Variants in TOPAZ1 observed in about 807,000 individuals in gnomAD.
The protein encoded by TOPAZ1 is protein TOPAZ1.
TOPAZ1 carries 66 observed loss-of-function variants against 172.2 expected under a neutral mutation model. That is an observed-to-expected ratio of 0.38 (90% confidence interval 0.31 to 0.47). The LOEUF is 0.47. TOPAZ1 is among the 20% of genes least tolerant of loss of function. The pLI is 0.99. For synonymous variants in TOPAZ1, 681 were observed against 683.9 expected (o/e 1.00, Z 0.07); for missense variants, 1,822 against 1,972.4 (o/e 0.92, Z 1.44).
intron 12 of TOPAZ1, among the ~76,000 whole-genome samples, chr3:44,297,310 G>A (rs1700211369): frequency 6.6e-6 from 1 of 151,978 alleles, no homozygotes; most frequent in African/African-American, 2.4e-5. Flanking sequence ...ATCAAACAGG[G>A]TTTATTTCAA....
At chr3:44,271,803 T>C (rs1376438825) in intron 8 of TOPAZ1, among the ~76,000 whole-genome samples, 4 of 152,164 alleles carry the variant, frequency 2.6e-5, no homozygotes, top group Admixed American at 6.5e-5. Context: ...TGCATTATTA[T>C]TTGCCATAGT....
chr3:44,322,450 A>G (rs879611029), intron 17 of TOPAZ1, among the ~76,000 whole-genome samples: 1 of 152,256 alleles, frequency 6.6e-6, no homozygotes, highest in African/African-American at 2.4e-5. Context: ...TGGGAATCAA[A>G]TACAGAGGTC....
intron 7 of TOPAZ1, among the ~76,000 whole-genome samples, chr3:44,269,645 A>G (rs575596232): frequency 2.7e-5 from 4 of 148,964 alleles, no homozygotes; most frequent in Admixed American, 2.7e-4. Context: ...TTTGAGACGG[A>G]GTCTTGCTCT....
chr3:44,307,771 A>C (rs1035071708), intron 15 of TOPAZ1, among the ~76,000 whole-genome samples: 5 of 152,180 alleles, frequency 3.3e-5, no homozygotes, highest in African/African-American at 1.2e-4. Context: ...AAAAGAAAAA[A>C]ATTTTTAACC....
intron 18 of TOPAZ1, 21 bp from the exon 19 acceptor site, chr3:44,328,229 A>G: frequency 6.9e-7 from 1 of 1,448,884 alleles, no homozygotes; most frequent in Non-Finnish European, 9.1e-7. Flanking sequence ...GTAAAGTTTG[A>G]CCTATTATTT....
At chr3:44,266,106 G>T (rs1351439012) in intron 5 of TOPAZ1, among the ~76,000 whole-genome samples, 1 of 150,726 alleles carries the variant, frequency 6.6e-6, no homozygotes, top group Non-Finnish European at 1.5e-5. Flanking sequence ...GATTTGTTTC[G>T]TGAAACCTCA....
At chr3:44,334,863 C>G (rs924492305), downstream of TOPAZ1, among the ~76,000 whole-genome samples, 3 of 152,202 alleles carry the variant, frequency 2.0e-5, no homozygotes, top group Non-Finnish European at 4.4e-5. Flanking sequence ...TGGAGCCCTT[C>G]TGATATCAAC....
At chr3:44,245,772 C>A (rs1699558024) in intron 2 of TOPAZ1, among the ~76,000 whole-genome samples, 1 of 152,100 alleles carries the variant, frequency 6.6e-6, no homozygotes, top group Admixed American at 6.5e-5. Flanking sequence ...ATCTCCTGAC[C>A]TCGTGATCCA....
intron 12 of TOPAZ1, among the ~76,000 whole-genome samples, chr3:44,294,767 A>G (rs768256793): frequency 2.0e-5 from 3 of 152,194 alleles, no homozygotes; most frequent in Non-Finnish European, 4.4e-5. Context: ...CAGCATCCCA[A>G]AATAGTCAAA....
At chr3:44,249,976 A>G (rs531959710) in intron 2 of TOPAZ1, among the ~76,000 whole-genome samples, 1 of 152,308 alleles carries the variant, frequency 6.6e-6, no homozygotes, top group South Asian at 2.1e-4. Context: ...TCAAATCCAT[A>G]GGCAGCCATT....
intron 12 of TOPAZ1, among the ~76,000 whole-genome samples, chr3:44,295,553 T>C (rs1559540708): frequency 2.0e-5 from 3 of 152,168 alleles, no homozygotes; most frequent in Admixed American, 6.5e-5. Flanking sequence ...CAATATGCCA[T>C]GCAAACATTA....
At chr3:44,277,721 G>C (rs557085871) in intron 8 of TOPAZ1, among the ~76,000 whole-genome samples, 46 of 152,266 alleles carry the variant, frequency 3.0e-4, no homozygotes, top group Admixed American at 9.8e-4. Context: ...TTCATGGCAT[G>C]GTGCTTTTTT....
intron 8 of TOPAZ1, among the ~76,000 whole-genome samples, chr3:44,280,944 T>G (rs1303742114): frequency 1.3e-5 from 2 of 152,164 alleles, no homozygotes; most frequent in Admixed American, 6.5e-5. Context: ...TACTTAGGAC[T>G]GAGGAATTTG....
At position 44,282,038 on chromosome 3, in the gene TOPAZ1, A is replaced by G; in HGVS notation, c.3436+7A>G. The G allele has an allele frequency of 1.3e-6, 2 of 1,497,994 alleles. No individual in the cohort carries two copies. The highest frequency in any genetic ancestry group is 2.5e-5 in the South Asian group (2 of 80,278). The allele number at this position is 1,497,994 out of a possible 1,614,324, so 92.8% of individuals were successfully genotyped here. On this transcript the variant is annotated splice_region_variant and intron_variant, in intron 9 of 19. Coordinates refer to ENST00000309765, the MANE Select transcript of TOPAZ1 (RefSeq NM_001145030.2). ...TGTTTGCTACAGCGTGCAGGTATGA[A>G]ACAATTAAATAATTAGTATGAAGCT... is the stretch of plus-strand genomic sequence containing the variant.
At chr3:44,329,521 T>C (rs1204695635) in intron 19 of TOPAZ1, among the ~76,000 whole-genome samples, 1 of 152,216 alleles carries the variant, frequency 6.6e-6, no homozygotes, top group Non-Finnish European at 1.5e-5. Flanking sequence ...CAGGGTCTTT[T>C]GTGACCTATA....
chr3:44,312,002 A>G (rs890998414), intron 16 of TOPAZ1, among the ~76,000 whole-genome samples: 1 of 152,014 alleles, frequency 6.6e-6, no homozygotes, highest in African/African-American at 2.4e-5. Flanking sequence ...TACTAATTCC[A>G]TTTCTAAGAA....
At chr3:44,333,251 C>T (rs539577410), downstream of TOPAZ1, among the ~76,000 whole-genome samples, 3 of 152,176 alleles carry the variant, frequency 2.0e-5, no homozygotes, top group South Asian at 2.1e-4. Context: ...TGATTACTAT[C>T]GATGAAATGT....
intron 12 of TOPAZ1, among the ~76,000 whole-genome samples, chr3:44,298,909 A>ATATATT (rs1287571186): frequency 7.3e-5 from 3 of 41,322 alleles, no homozygotes; most frequent in Non-Finnish European, 8.6e-5. Context: ...ATATATATAT[A>ATATATT]TTTTTTTTTT....
chr3:44,289,821 A>G (rs960390345), intron 11 of TOPAZ1, among the ~76,000 whole-genome samples: 1 of 152,206 alleles, frequency 6.6e-6, no homozygotes, highest in Non-Finnish European at 1.5e-5. Flanking sequence ...TATACTGGAG[A>G]CAAAGCATAC....
Sources: allele counts gnomAD v4.1 joint callset (sites outside exome capture counted in the v4.1 genomes callset), GRCh38; gene constraint gnomAD v4.1.1; transcripts MANE v1.5; gene names NCBI Gene and HGNC (gene_info 2026-07-23, HGNC 2026-07-21).